The following ERBB4 variants were observed in gnomAD, a reference collection of about 807,000 sequenced individuals.
ERBB4 encodes the protein erb-b2 receptor tyrosine kinase 4, also known as receptor tyrosine-protein kinase erbB-4.
In ERBB4, 42 loss-of-function variants were observed where a neutral mutation model predicts 158.0. That is an observed-to-expected ratio of 0.27 (90% CI 0.21 to 0.34). The LOEUF is 0.34. Among genes scored for constraint, ERBB4 ranks in the 10% least tolerant of loss-of-function variants. ERBB4 has a pLI of 1.00. For missense variants in ERBB4, 1,333 were observed against 1,624.1 expected, an observed-to-expected ratio of 0.82 and a Z score of 3.08; for synonymous variants, 583 against 558.7, an observed-to-expected ratio of 1.04 and a Z score of -0.61.
At chr2:211,411,765 A>C (rs2063267728) in intron 25 of ERBB4, among the ~76,000 whole-genome samples, 1 of 152,220 alleles carries the variant, frequency 6.6e-6, no homozygotes, top group Non-Finnish European at 1.5e-5. Flanking sequence ...ATTTGAAGAG[A>C]GACCTACTAA....
chr2:212,516,049 A>C (rs965575912), intron 1 of ERBB4, among the ~76,000 whole-genome samples: 4 of 152,018 alleles, frequency 2.6e-5, no homozygotes, highest in African/African-American at 7.2e-5. Context: ...CAGAAATTAA[A>C]ATTTGGGGTA....
intron 1 of ERBB4, among the ~76,000 whole-genome samples, chr2:212,197,895 G>A (rs558682956): frequency 6.6e-6 from 1 of 152,132 alleles, no homozygotes; most frequent in African/African-American, 2.4e-5. Context: ...GTCAAGTGGA[G>A]AAAATCTGAC....
intron 3 of ERBB4, among the ~76,000 whole-genome samples, chr2:211,854,236 AG>A (rs988957129): frequency 3.4e-4 from 52 of 152,252 alleles, no homozygotes; most frequent in African/African-American, 1.2e-3. Flanking sequence ...CATAGTTAGA[AG>A]GCCTCATTAT....
chr2:211,439,597 A>G (rs74718840), intron 20 of ERBB4, among the ~76,000 whole-genome samples: 6,829 of 152,198 alleles, frequency 0.045, 306 homozygotes, highest in African/African-American at 0.12. Flanking sequence ...GACAAATCTT[A>G]GTTCTGATAA....
At chr2:212,515,939 A>G (rs1259588035) in intron 1 of ERBB4, among the ~76,000 whole-genome samples, 1 of 152,084 alleles carries the variant, frequency 6.6e-6, no homozygotes, top group African/African-American at 2.4e-5. Flanking sequence ...AAACAATAAA[A>G]GCATAAAGGA....
intron 3 of ERBB4, among the ~76,000 whole-genome samples, chr2:211,837,225 C>T (rs974079641): frequency 5.9e-5 from 9 of 151,970 alleles, no homozygotes; most frequent in Admixed American, 2.0e-4. Flanking sequence ...TGAATCTGTT[C>T]GATTCACAGC....
chr2:211,574,606 G>A (rs2067837226), intron 19 of ERBB4, among the ~76,000 whole-genome samples: 1 of 152,136 alleles, frequency 6.6e-6, no homozygotes, highest in African/African-American at 2.4e-5. Flanking sequence ...TTCTTAGCAA[G>A]CTCCAACATG....
intron 1 of ERBB4, among the ~76,000 whole-genome samples, chr2:212,497,176 C>T (rs1203676228): frequency 2.2e-5 from 2 of 91,582 alleles, no homozygotes; most frequent in East Asian, 5.6e-4. Flanking sequence ...AAAACTCCAT[C>T]TCAAAAAAAA....
At chr2:212,521,412 T>C (rs1692155377) in intron 1 of ERBB4, among the ~76,000 whole-genome samples, 2 of 151,908 alleles carry the variant, frequency 1.3e-5, no homozygotes, top group African/African-American at 4.8e-5. Flanking sequence ...ATGTGTACAA[T>C]AATTCTATAA....
At chr2:211,484,844 A>G (rs1279912138) in intron 20 of ERBB4, among the ~76,000 whole-genome samples, 1 of 152,186 alleles carries the variant, frequency 6.6e-6, no homozygotes, top group Non-Finnish European at 1.5e-5. Context: ...GACATTATCA[A>G]TTCACTTGGC....
chr2:212,349,933 C>T (rs75824963), intron 1 of ERBB4, among the ~76,000 whole-genome samples: 3,385 of 152,104 alleles, frequency 0.022, 124 homozygotes, highest in African/African-American at 0.077. Flanking sequence ...ATGCTCATCA[C>T]AGGCTTCCTG....
At chr2:212,180,491 C>T (rs1331113443) in intron 1 of ERBB4, among the ~76,000 whole-genome samples, 1 of 151,626 alleles carries the variant, frequency 6.6e-6, no homozygotes, top group East Asian at 1.9e-4. Context: ...GTTTCATTTG[C>T]CTTTAAGATC....
intron 2 of ERBB4, among the ~76,000 whole-genome samples, chr2:211,953,115 G>A (rs73079329): frequency 0.049 from 7,511 of 152,010 alleles, 308 homozygotes; most frequent in African/African-American, 0.11. Context: ...AATGCTTAAG[G>A]TCTTTTTAGA....
At chr2:211,867,900 G>A (rs2078249325) in intron 3 of ERBB4, among the ~76,000 whole-genome samples, 1 of 152,110 alleles carries the variant, frequency 6.6e-6, no homozygotes, top group African/African-American at 2.4e-5. Flanking sequence ...TATGACTGAG[G>A]ACTTTAACTG....
At chr2:212,075,022 A>G (rs572695458) in intron 2 of ERBB4, among the ~76,000 whole-genome samples, 52 of 152,056 alleles carry the variant, frequency 3.4e-4, no homozygotes, top group Non-Finnish European at 6.2e-4. Context: ...TAAGAATCAA[A>G]CCCAAGTATT....
At chr2:212,200,781 C>G (rs1257917749) in intron 1 of ERBB4, among the ~76,000 whole-genome samples, 1 of 152,128 alleles carries the variant, frequency 6.6e-6, no homozygotes, top group Non-Finnish European at 1.5e-5. Context: ...ATAGGAAAAT[C>G]CAAAAGGAAA....
intron 16 of ERBB4, among the ~76,000 whole-genome samples, chr2:211,642,595 C>A (rs1034794335): frequency 2.6e-5 from 4 of 152,046 alleles, no homozygotes; most frequent in Admixed American, 6.6e-5. Flanking sequence ...AAAAGAATTT[C>A]TATTTTTATA....
At chr2:212,000,173 A>G in intron 2 of ERBB4, among the ~76,000 whole-genome samples, 1 of 151,824 alleles carries the variant, frequency 6.6e-6, no homozygotes, top group Non-Finnish European at 1.5e-5. Context: ...TATCAAATAT[A>G]TATTATTTTG....
intron 1 of ERBB4, among the ~76,000 whole-genome samples, chr2:212,300,595 A>G (rs932447505): frequency 6.6e-6 from 1 of 151,554 alleles, no homozygotes; most frequent in African/African-American, 2.4e-5. Flanking sequence ...CTAAGAAAGC[A>G]GTAAATCGAG....
Sources: gnomAD v4.1 joint callset for allele counts (sites outside exome capture counted in the v4.1 genomes callset) on GRCh38, gnomAD v4.1.1 for gene constraint, MANE v1.5 for transcripts, NCBI Gene and HGNC (gene_info 2026-07-23, HGNC 2026-07-21) for gene names.